DGAT2: variants seen among roughly 807,000 people sequenced by gnomAD.
DGAT2 encodes the protein acyl-CoA retinol O-fatty-acyltransferase.
A neutral mutation model predicts 48.4 loss-of-function variants in DGAT2; 33 were observed. The ratio of observed to expected loss-of-function variants is 0.68; its 90% CI spans 0.52 to 0.91. The LOEUF (loss-of-function observed/expected upper bound fraction) is 0.91, where lower values mean the gene tolerates loss of function less well. Among genes scored for constraint, DGAT2 ranks in the 40% least tolerant of loss-of-function variants. The probability of loss-of-function intolerance (pLI) is 0.00; values close to 1 mark genes in which losing one functional copy is unlikely to be tolerated. For missense variants in DGAT2, 446 were observed against 493.7 expected, an observed-to-expected ratio of 0.90 and a Z score of 0.92; for synonymous variants, 191 against 194.1, an observed-to-expected ratio of 0.98 and a Z score of 0.13.
In DGAT2 at chr11:75,784,684, A is replaced by C; in HGVS notation, c.188A>C (p.Lys63Thr). Residue 63 changes from lysine (K) to threonine (T), a missense_variant, in exon 2 of 8, where the codon AAG (lysine) becomes ACG (threonine). By Grantham distance (78) the Lys-to-Thr change is moderately conservative. Transcript: ENST00000228027. Reference protein sequence around the residue: ...LFSVTWLNRSKVEKQLQVISV... With the variant: ...LFSVTWLNRSTVEKQLQVISV... ...TCTGTCACCTGGCTCAATAGGTCCA[A>C]GGTGGAAAAGCAGCTACAGGTCATC... The C allele has an allele frequency of 6.2e-7, 1 of 1,614,076 alleles. No homozygotes were observed. The highest frequency in any genetic ancestry group is 8.5e-7 in the Non-Finnish European group (1 of 1,179,976).
chr11:75,791,499 C>T (rs767317492), intron 4 of DGAT2, among the ~76,000 whole-genome samples: 4 of 152,132 alleles, frequency 2.6e-5, no homozygotes, highest in Non-Finnish European at 5.9e-5. Flanking sequence ...ATCATAGGAC[C>T]CAACCCTCTA....
chr11:75,780,602 C>G (rs1215011922), intron 1 of DGAT2, among the ~76,000 whole-genome samples: 1 of 152,216 alleles, frequency 6.6e-6, no homozygotes, highest in East Asian at 1.9e-4. Context: ...CTGACCCACC[C>G]CTCTGAAGGA....
intron 1 of DGAT2, among the ~76,000 whole-genome samples, chr11:75,772,302 C>T (rs1944766672): frequency 6.6e-6 from 1 of 152,178 alleles, no homozygotes. Flanking sequence ...CTCAGTCACA[C>T]TTCAGACTTT....
intron 4 of DGAT2, chr11:75,794,965 C>T (rs988544538): frequency 1.6e-5 from 2 of 124,880 alleles, no homozygotes; most frequent in African/African-American, 2.9e-5. Flanking sequence ...TCTCCCCTCT[C>T]CTCCGTTCCT....
chr11:75,796,387 TG>T lies in DGAT2; in HGVS notation c.491del (p.Gly164ValfsTer18), dbSNP rs762917235. ...RNYIFGYHPH[G>X]IMGLGAFCNF... Reference sequence around the variant, plus strand: ...ACTATATCTTTGGATACCACCCCCATGGTATCATGGGCCTGGGTGCCTTCTG... The same window carrying T: ...ACTATATCTTTGGATACCACCCCCATGTATCATGGGCCTGGGTGCCTTCTG... On this transcript the variant is annotated frameshift_variant, in exon 5 of 8. Coordinates refer to ENST00000228027, the MANE Select transcript of DGAT2 (RefSeq NM_032564.5). LOFTEE classifies it high-confidence loss of function. 11 of 1,613,790 alleles carry T rather than the reference TG, an allele frequency of 6.8e-6. No individual in the cohort carries two copies. Among genetic ancestry groups the T allele is most frequent in the African/African-American group, 1.3e-5 (1 of 74,856 alleles).
intron 7 of DGAT2, 57 bp from the exon 8 acceptor site, chr11:75,800,297 G>T (rs1000407142): frequency 2.5e-6 from 4 of 1,580,290 alleles, no homozygotes; most frequent in African/African-American, 2.7e-5. Flanking sequence ...CAGCATCATG[G>T]TGGATGCCCA....
chr11:75,787,606 G>T (rs779505280), intron 2 of DGAT2, among the ~76,000 whole-genome samples: 1 of 152,242 alleles, frequency 6.6e-6, no homozygotes, highest in Non-Finnish European at 1.5e-5. Context: ...AGCAACAGTG[G>T]TTTTTACTGC....
At chr11:75,777,883 T>C (rs1394487956) in intron 1 of DGAT2, among the ~76,000 whole-genome samples, 1 of 152,242 alleles carries the variant, frequency 6.6e-6, no homozygotes, top group East Asian at 1.9e-4. Context: ...TTCATAGCTC[T>C]CGTCGCTGCC....
At chr11:75,798,772 G>A (rs987453761) in intron 7 of DGAT2, among the ~76,000 whole-genome samples, 3 of 152,144 alleles carry the variant, frequency 2.0e-5, no homozygotes, top group Admixed American at 1.3e-4. Context: ...GAGTCATAGC[G>A]GACCCCAGGG....
chr11:75,768,968 GC>G lies in DGAT2; in HGVS notation c.-22del. The G allele has an allele frequency of 6.8e-7, 1 of 1,481,112 alleles. No homozygotes were observed. The highest frequency in any genetic ancestry group is 8.9e-7 in the Non-Finnish European group (1 of 1,117,872). 91.7% of individuals were successfully genotyped at this position (1,481,112 alleles called of 1,614,324 possible). On this transcript the variant is annotated 5_prime_UTR_variant, in exon 1 of 8. It removes the in-frame stop codon of an upstream open reading frame in the 5' UTR. Transcript: ENST00000228027. ...GCGGGGTGAAGCGGCTTCCCGCGGG[GC>G]CGTGACTGGGCGGGCTTCAGCCATG...
intron 1 of DGAT2, among the ~76,000 whole-genome samples, chr11:75,769,350 C>T (rs1307524692): frequency 6.6e-6 from 1 of 152,170 alleles, no homozygotes; most frequent in Admixed American, 6.5e-5. Context: ...AACTCCTCCC[C>T]AGCCCCCACT....
chr11:75,771,768 T>TGA (rs1183221871), intron 1 of DGAT2, among the ~76,000 whole-genome samples: 1 of 152,072 alleles, frequency 6.6e-6, no homozygotes, highest in Non-Finnish European at 1.5e-5. Flanking sequence ...TAGAGGCCAC[T>TGA]TTGGGGCTGC....
In DGAT2 at chr11:75,800,711, G is replaced by A; in HGVS notation, c.*203G>A. The A allele has an allele frequency of 3.1e-6, 2 of 643,208 alleles. No individual in the cohort carries two copies. The highest frequency in any genetic ancestry group is 4.0e-5 in the South Asian group (2 of 49,484). 39.8% of individuals were successfully genotyped at this position (643,208 alleles called of 1,614,324 possible). On this transcript the variant is annotated 3_prime_UTR_variant, in exon 8 of 8. Transcript: ENST00000228027. The stretch of plus-strand genomic sequence containing the variant: ...TCACTTCCAGCTTGCCCTGTTCTAG[G>A]TGGTGGCTAAATCTGGGCCTAATCT...
At chr11:75,787,443 G>T (rs1022653965) in intron 2 of DGAT2, among the ~76,000 whole-genome samples, 2 of 152,238 alleles carry the variant, frequency 1.3e-5, no homozygotes, top group Non-Finnish European at 2.9e-5. Context: ...TCCACAGGCT[G>T]CCCTGCACCA....
intron 1 of DGAT2, among the ~76,000 whole-genome samples, chr11:75,779,827 C>T (rs553059762): frequency 6.6e-6 from 1 of 152,354 alleles, no homozygotes; most frequent in South Asian, 2.1e-4. Context: ...GCTCATCCCC[C>T]ATCTCTGGGG....
chr11:75,800,260 G>A (rs973852283), intron 7 of DGAT2, 94 bp from the exon 8 acceptor site: 28 of 1,437,804 alleles, frequency 1.9e-5, no homozygotes, highest in East Asian at 1.7e-4. Context: ...TCCACATGGC[G>A]GGCCCACAGC....
intron 2 of DGAT2, among the ~76,000 whole-genome samples, chr11:75,786,507 A>C (rs1244657569): frequency 1.3e-5 from 2 of 152,168 alleles, no homozygotes; most frequent in Non-Finnish European, 2.9e-5. Flanking sequence ...CTTGTAGAAC[A>C]CCAGCTCACG....
chr11:75,779,983 T>C (rs557162964), intron 1 of DGAT2, among the ~76,000 whole-genome samples: 2 of 152,344 alleles, frequency 1.3e-5, no homozygotes, highest in African/African-American at 4.8e-5. Flanking sequence ...TGAGCCCCTC[T>C]TACCACAGAT....
intron 2 of DGAT2, among the ~76,000 whole-genome samples, chr11:75,789,071 C>T (rs2135772670): frequency 6.6e-6 from 1 of 152,134 alleles, no homozygotes; most frequent in South Asian, 2.1e-4. Flanking sequence ...ATTAGTCTCT[C>T]TTATGACCTA....
Sources: gnomAD v4.1 joint callset for allele counts (sites outside exome capture counted in the v4.1 genomes callset) on GRCh38, gnomAD v4.1.1 for gene constraint, MANE v1.5 for transcripts, NCBI Gene and HGNC (gene_info 2026-07-23, HGNC 2026-07-21) for gene names.